SETD1B: variants seen among roughly 807,000 people sequenced by gnomAD.
SETD1B encodes the protein SET domain containing 1B, histone lysine methyltransferase, also known as histone-lysine N-methyltransferase SETD1B.
A neutral mutation model predicts 148.0 loss-of-function variants in SETD1B; 7 were observed. That is an observed-to-expected ratio of 0.05 (90% CI 0.03 to 0.09). The LOEUF (loss-of-function observed/expected upper bound fraction) is 0.09. Ranked by LOEUF, SETD1B falls within the 10% of genes least tolerant of loss-of-function variation. SETD1B has a pLI of 1.00. For missense variants in SETD1B, 2,155 were observed against 2,729.9 expected (o/e 0.79, Z 4.69); for synonymous variants, 1,361 against 1,186.5 (o/e 1.15, Z -3.02).
rs1875626076 is a variant in SETD1B, at chr12:121,804,674, G to C, written c.-14-50G>C. ...GATTCTTTCGCGTGTGTGTAGAAGC[G>C]GCCGCCGCCGCCGCCGCGGCGGAGA... On this transcript the variant is annotated intron_variant, in intron 1 of 16. Transcript: ENST00000604567. The surrounding 1 kb of genome is among the most constrained non-coding windows in gnomAD (Gnocchi z 4.6). The C allele has an allele frequency of 6.7e-7, 1 of 1,496,946 alleles. No homozygotes were observed. Among genetic ancestry groups the C allele is most frequent in the Non-Finnish European group, 9.0e-7 (1 of 1,109,092 alleles). The allele number at this position is 1,496,946 out of a possible 1,614,324, so 92.7% of individuals were successfully genotyped here.
intron 11 of SETD1B, among the ~76,000 whole-genome samples, chr12:121,821,300 G>C (rs764790144): frequency 2.6e-5 from 4 of 152,234 alleles, no homozygotes; most frequent in Non-Finnish European, 5.9e-5. Context: ...ATGAAAAACA[G>C]GTGGCAGGCT....
Position 121,805,219 on chromosome 12 carries a change from A to T in SETD1B, c.273+3A>T. On this transcript the variant is annotated splice_donor_region_variant and intron_variant, in intron 3 of 16. Transcript: ENST00000604567. The surrounding 1 kb of genome is among the most constrained non-coding windows in gnomAD (Gnocchi z 4.2). ...AGCTGTCGGTGCCCAAATTCAAGGTAGGACCCCTCCCCACTGCCCCGCCGT... is the reference window on the plus strand; with the variant it reads ...AGCTGTCGGTGCCCAAATTCAAGGTTGGACCCCTCCCCACTGCCCCGCCGT... 1 of 1,549,472 alleles carries T rather than the reference A, an allele frequency of 6.5e-7. No homozygotes were observed. The highest frequency in any genetic ancestry group is 8.7e-7 in the Non-Finnish European group (1 of 1,146,456).
Position 121,810,500 on chromosome 12 carries a change from G to C in SETD1B, c.1555G>C (p.Glu519Gln). ...GCGCACCAAGCTGCTCTTCCTGAGG[G>C]AGCCGGACTCGGACACCGAGCTGCA... ...EQRTKLLFLR[E>Q]PDSDTELQME... The change falls in exon 6 of 17, where the codon GAG (glutamate) becomes CAG (glutamine). Residue 519 changes from glutamate (E) to glutamine (Q), a missense_variant. Glu to Gln is a conservative substitution (Grantham distance 29, BLOSUM62 2). Around this residue, in one of 11 missense-constraint regions of SETD1B, gnomAD observed 295 missense variants for 303.8 expected, o/e 0.97. Coordinates refer to ENST00000604567, the MANE Select transcript of SETD1B (RefSeq NM_001353345.2). The surrounding 1 kb of genome is among the most constrained non-coding windows in gnomAD (Gnocchi z 7.6). 1 of 1,546,674 alleles carries C rather than the reference G, an allele frequency of 6.5e-7. No individual in the cohort carries two copies. The highest frequency in any genetic ancestry group is 2.0e-5 in the Admixed American group (1 of 51,012).
rs540846411 is a variant in SETD1B, at chr12:121,808,185, C to T, written c.545-23C>T. ...CCCCATCCTGGAACCTCACTGAGTT[C>T]CCCCTTTCCTGCCCATCTACAGGGG... On this transcript the variant is annotated intron_variant, in intron 4 of 16. Coordinates refer to ENST00000604567, the MANE Select transcript of SETD1B (RefSeq NM_001353345.2). The surrounding 1 kb of genome is among the most constrained non-coding windows in gnomAD (Gnocchi z 5.3). The T allele has an allele frequency of 5.2e-4, 793 of 1,527,402 alleles. 5 individuals carry two copies. Among genetic ancestry groups the T allele is most frequent in the Middle Eastern group, 4.5e-3 (26 of 5,800 alleles). 94.6% of individuals were successfully genotyped at this position (1,527,402 alleles called of 1,614,324 possible). A position where few individuals can be genotyped will look rare whatever the true frequency, so the allele number is the denominator to read the frequency against.
chr12:121,790,373 G>A, the SETD1B span, among the ~76,000 whole-genome samples: 2 of 152,238 alleles, frequency 1.3e-5, no homozygotes, highest in Non-Finnish European at 2.9e-5. Context: ...TTCTGGCTTG[G>A]CCATTCCCTC....
chr12:121,797,349 G>A, the SETD1B span: 3 of 428,866 alleles, frequency 7.0e-6, no homozygotes, highest in South Asian at 1.7e-5. Context: ...GGGGCCCAGC[G>A]CCAGCAGCGG....
intron 6 of SETD1B, among the ~76,000 whole-genome samples, chr12:121,812,523 C>A (rs1876084560): frequency 6.6e-6 from 1 of 151,952 alleles, no homozygotes; most frequent in African/African-American, 2.4e-5. Context: ...ATTCCTGCCG[C>A]TTCTCACCCC....
chr12:121,793,410 G>C, the SETD1B span: 2 of 1,504,464 alleles, frequency 1.3e-6, no homozygotes, highest in Non-Finnish European at 1.8e-6. Flanking sequence ...GTCCGTGCTC[G>C]GGACGCTGGG....
At position 121,823,507 on chromosome 12, in the gene SETD1B, G is replaced by A. The variant is rs376856381; in HGVS notation, c.4928G>A (p.Arg1643His). ...TTGGCCAAGAGCCGGGGGCCGTGGC[G>A]CCGGCCACCTAAGAAGCGCCATGAG... The part of the protein sequence containing the change: ...MELAKSRGPW[R>H]RPPKKRHEDL... Residue 1643 changes from arginine (R) to histidine (H), a missense_variant, in exon 12 of 17, where the codon CGC (arginine) becomes CAC (histidine). This residue lies in a region of SETD1B where 862 missense variants were observed against 873.8 expected (regional missense o/e 0.99). Transcript: ENST00000604567. The A allele has an allele frequency of 1.5e-5, 23 of 1,550,536 alleles. No homozygotes were observed. Among genetic ancestry groups the A allele is most frequent in the East Asian group, 2.4e-5 (1 of 40,912 alleles).
chr12:121,825,557 A>G (rs889768883), intron 13 of SETD1B, among the ~76,000 whole-genome samples, 191 bp downstream of exon 13: 1 of 152,082 alleles, frequency 6.6e-6, no homozygotes, highest in East Asian at 1.9e-4. Context: ...CCTTAGTCCC[A>G]TGGGCCCTGG....
At chr12:121,827,497 C>A in intron 13 of SETD1B, 22 bp from the exon 14 acceptor site, 2 of 1,519,284 alleles carry the variant, frequency 1.3e-6, no homozygotes, top group Non-Finnish European at 1.8e-6. Context: ...CTCCGCTGAG[C>A]CCCGCACACC....
chr12:121,810,249 C>T lies in SETD1B; in HGVS notation c.1304C>T (p.Pro435Leu), dbSNP rs1340917955. The T allele has an allele frequency of 1.3e-6, 2 of 1,546,440 alleles. No homozygotes were observed. The highest frequency in any genetic ancestry group is 1.4e-5 in the African/African-American group (1 of 73,160). The change falls in exon 6 of 17, where the codon CCA becomes CTA. Residue 435 changes from proline (P) to leucine (L), a missense_variant. Physicochemically the swap from Pro to Leu is moderately conservative, Grantham distance 98. This residue lies in a region of SETD1B where 376 missense variants were observed against 385.0 expected (regional missense o/e 0.98). Coordinates refer to ENST00000604567, the MANE Select transcript of SETD1B (RefSeq NM_001353345.2). The surrounding 1 kb of genome is among the most constrained non-coding windows in gnomAD (Gnocchi z 7.6). ...SGEFRRAPAP[P>L]PLPPAEPLAK... ...GAGTTCCGGAGGGCACCGGCGCCCC[C>T]ACCCCTGCCACCTGCTGAGCCTCTG... is the stretch of plus-strand genomic sequence containing the variant.
chr12:121,812,077 T>G (rs1175666376), intron 6 of SETD1B, among the ~76,000 whole-genome samples: 1 of 150,924 alleles, frequency 6.6e-6, no homozygotes, highest in African/African-American at 2.4e-5. Context: ...GGAGCGAGGG[T>G]CTGGGACTGC....
At chr12:121,793,024 C>T in the SETD1B span, 1 of 790,720 alleles carries the variant, frequency 1.3e-6, no homozygotes, top group Non-Finnish European at 2.0e-6. Context: ...GAGCGGCCTC[C>T]AGGAGTGAAG....
At chr12:121,818,175 C>T (rs1184050742) in intron 10 of SETD1B, among the ~76,000 whole-genome samples, 1 of 152,168 alleles carries the variant, frequency 6.6e-6, no homozygotes, top group East Asian at 1.9e-4. Flanking sequence ...TACATGGCTT[C>T]CTTTTCAACT....
chr12:121,813,015 C>T (rs1876114933), intron 6 of SETD1B, among the ~76,000 whole-genome samples: 1 of 152,090 alleles, frequency 6.6e-6, no homozygotes, highest in African/African-American at 2.4e-5. Context: ...CTCCCTAAAG[C>T]CCCACGCCCA....
chr12:121,827,678 G>C (rs1404261008), intron 14 of SETD1B, 28 bp downstream of exon 14: 1 of 1,551,528 alleles, frequency 6.4e-7, no homozygotes, highest in East Asian at 2.4e-5. Flanking sequence ...CCAGATCGCC[G>C]GGGTGGCGGC....
intron 13 of SETD1B, among the ~76,000 whole-genome samples, chr12:121,825,644 T>TG (rs1876805298): frequency 6.6e-6 from 1 of 151,754 alleles, no homozygotes; most frequent in Admixed American, 6.6e-5. Context: ...GTTTTTTGCT[T>TG]GGGTTTTTTT....
rs1370146873 is a variant in SETD1B, at chr12:121,819,563, A to G, written c.3578A>G (p.Glu1193Gly). The change falls in exon 11 of 17, where the codon GAG becomes GGG. Residue 1193 changes from glutamate (E) to glycine (G), a missense_variant. Glu to Gly is a moderately conservative substitution (Grantham distance 98). This residue lies in a region of SETD1B where 862 missense variants were observed against 873.8 expected (regional missense o/e 0.99). Transcript: ENST00000604567. ...AREEEEEEEEEEMVAEESMAS... is the reference protein window; with the variant it reads ...AREEEEEEEEGEMVAEESMAS... ...GAAGAGGAGGAAGAAGAGGAGGAGG[A>G]GGAGATGGTGGCCGAGGAAAGCATG... 6.4e-7 allele frequency: 1 copy of G among 1,552,624 alleles called. No homozygotes were observed. Among genetic ancestry groups the G allele is most frequent in the South Asian group, 1.2e-5 (1 of 84,072 alleles).
Sources: gnomAD v4.1 joint callset for allele counts (sites outside exome capture counted in the v4.1 genomes callset) on GRCh38, gnomAD v4.1.1 for gene constraint, gnomAD v4.1.1 regional missense constraint, Gnocchi (gnomAD v3.1) non-coding constraint, MANE v1.5 for transcripts, NCBI Gene and HGNC (gene_info 2026-07-23, HGNC 2026-07-21) for gene names.